CCDC57: variants seen among roughly 807,000 people sequenced by gnomAD.
CCDC57 encodes coiled-coil domain-containing protein 57.
In CCDC57, 118 loss-of-function variants were observed where a neutral mutation model predicts 118.9. The observed-to-expected ratio is 0.99, with a 90% CI of 0.86 to 1.16. CCDC57 has a LOEUF of 1.16. Ranked by LOEUF, CCDC57 falls within the 50% of genes most tolerant of loss-of-function variation. CCDC57 has a pLI of 0.00. For synonymous variants in CCDC57, 527 were observed against 532.9 expected (o/e 0.99, Z 0.15); for missense variants, 1,300 against 1,320.7 (o/e 0.98, Z 0.24).
exon 10 of CCDC57, chr17:82,179,049 C>T (rs988462608): frequency 1.2e-6 from 2 of 1,613,900 alleles, no homozygotes; most frequent in Non-Finnish European, 8.5e-7. Context: ...CATGCTCAGA[C>T]CCTGAATCAG....
At chr17:82,136,281 C>T (rs1443751056) in intron 16 of CCDC57, among the ~76,000 whole-genome samples, 2 of 152,218 alleles carry the variant, frequency 1.3e-5, no homozygotes, top group Non-Finnish European at 2.9e-5. Context: ...GCAGACGCCC[C>T]AGCACGAGGG....
chr17:82,101,552 G>A, exon 20 of CCDC57: 2 of 779,978 alleles, frequency 2.6e-6, no homozygotes, highest in South Asian at 3.9e-5. Flanking sequence ...GCATTTGGGA[G>A]CCTGCCCTGC....
intron 14 of CCDC57, among the ~76,000 whole-genome samples, chr17:82,159,467 C>T (rs1405832011): frequency 6.6e-6 from 1 of 152,118 alleles, no homozygotes; most frequent in South Asian, 2.1e-4. Context: ...ACTGCCTCGA[C>T]AGAAATGGAA....
intron 16 of CCDC57, among the ~76,000 whole-genome samples, chr17:82,141,437 A>T (rs1053984918): frequency 1.3e-5 from 2 of 152,136 alleles, no homozygotes; most frequent in East Asian, 3.8e-4. Flanking sequence ...CCACCTGCCT[A>T]GGCCTCCCAA....
chr17:82,196,229 G>A lies in CCDC57; in HGVS notation c.517-865C>T, dbSNP rs180690559. Among the ~76,000 whole-genome samples, 183 of 152,332 alleles carry A rather than the reference G, an allele frequency of 1.2e-3. 2 individuals carry two copies. The highest frequency in any genetic ancestry group is 4.0e-3 in the African/African-American group (168 of 41,578). On this transcript the variant is annotated intron_variant, in intron 4 of 19. Transcript: ENST00000665763. ...AACTCCTTCTTTGGAAGTGACTTTG[G>A]AGCCACTTGAGGAAGCCTCACTACT...
At chr17:82,112,899 C>T (rs2035385394) in intron 19 of CCDC57, 1 of 157,782 alleles carries the variant, frequency 6.3e-6, no homozygotes, top group Non-Finnish European at 1.4e-5. Context: ...ATACTTTGTC[C>T]AGTTTTCTAG....
chr17:82,163,292 G>T lies in CCDC57; in HGVS notation c.1948C>A (p.Gln650Lys), dbSNP rs755484780. ...AGTCCAGAGGATACTGGGCCAGCTT[G>T]GACAGATCCTCCTGCTTGACCAGCT... is the stretch of plus-strand genomic sequence containing the variant. The change falls in exon 14 of 20, where the codon CAA becomes AAA. Residue 650 changes from glutamine to lysine, a missense_variant. Transcript: ENST00000665763. 6 of 1,613,914 alleles carry T rather than the reference G, an allele frequency of 3.7e-6. No individual in the cohort carries two copies. Among genetic ancestry groups the T allele is most frequent in the Non-Finnish European group, 5.1e-6 (6 of 1,179,908 alleles).
At chr17:82,156,477 G>C (rs1235260409) in intron 15 of CCDC57, 1 of 152,212 alleles carries the variant, frequency 6.6e-6, no homozygotes, top group Non-Finnish European at 1.5e-5. Context: ...GGAGATGTGT[G>C]GGGGTACAGA....
chr17:82,172,570 C>T lies in CCDC57; in HGVS notation c.1729+68G>A, dbSNP rs538714476. On this transcript the variant is annotated intron_variant, in intron 12 of 19. Coordinates refer to ENST00000665763, the Ensembl canonical transcript of CCDC57. The surrounding 1 kb of genome is among the most constrained non-coding windows in gnomAD (Gnocchi z 5.2). ...CTTGAAGCCAGTCAAGACCCATGCTCCCGTCTGTCCTCCTCCCTCCCTCTC... is the reference window on the plus strand; with the variant it reads ...CTTGAAGCCAGTCAAGACCCATGCTTCCGTCTGTCCTCCTCCCTCCCTCTC... 26 of 1,352,160 alleles carry T rather than the reference C, an allele frequency of 1.9e-5. No homozygotes were observed. The East Asian group carries it at 6.0e-4, about 31-fold the overall frequency. 83.8% of individuals were successfully genotyped at this position (1,352,160 alleles called of 1,614,324 possible). A position where few individuals can be genotyped will look rare whatever the true frequency, so the allele number is the denominator to read the frequency against.
At chr17:82,180,472 A>G (rs2046065129) in intron 9 of CCDC57, among the ~76,000 whole-genome samples, 1 of 152,066 alleles carries the variant, frequency 6.6e-6, no homozygotes, top group Non-Finnish European at 1.5e-5. Context: ...TGTTTTGTTT[A>G]ATTATTTTTA....
intron 19 of CCDC57, among the ~76,000 whole-genome samples, chr17:82,102,740 CCGGGCACGGTGG>C (rs2034539005): frequency 6.6e-6 from 1 of 152,050 alleles, no homozygotes; most frequent in Non-Finnish European, 1.5e-5. Flanking sequence ...AAAAAATTAG[CCGGGCACGGTGG>C]CGGGCACCTG....
At chr17:82,177,948 C>T (rs1376208718) in intron 11 of CCDC57, among the ~76,000 whole-genome samples, 1 of 152,238 alleles carries the variant, frequency 6.6e-6, no homozygotes, top group African/African-American at 2.4e-5. Context: ...ACCCCGCTTC[C>T]CTCTGCCTGT....
intron 2 of CCDC57, among the ~76,000 whole-genome samples, chr17:82,202,729 G>A (rs1329942063): frequency 1.3e-5 from 2 of 152,094 alleles, no homozygotes; most frequent in African/African-American, 2.4e-5. Context: ...CAGCCTGGGC[G>A]ACACTAAGAC....
At chr17:82,174,894 G>A (rs955425712) in intron 11 of CCDC57, among the ~76,000 whole-genome samples, 1 of 152,178 alleles carries the variant, frequency 6.6e-6, no homozygotes, top group African/African-American at 2.4e-5. Flanking sequence ...CTTCCTCAGG[G>A]CCGAGAGAAT....
intron 11 of CCDC57, among the ~76,000 whole-genome samples, chr17:82,174,903 A>C (rs1395055014): frequency 2.6e-5 from 4 of 152,212 alleles, no homozygotes; most frequent in Admixed American, 1.3e-4. Context: ...GGCCGAGAGA[A>C]TTTTGAGCGT....
intron 3 of CCDC57, among the ~76,000 whole-genome samples, chr17:82,199,030 G>A (rs970399420): frequency 3.6e-5 from 5 of 139,048 alleles, no homozygotes; most frequent in Non-Finnish European, 6.2e-5. Context: ...AAAAAAGAAA[G>A]ATCTGAGCTT....
chr17:82,159,400 G>A (rs572113738), intron 14 of CCDC57, among the ~76,000 whole-genome samples: 1 of 152,210 alleles, frequency 6.6e-6, no homozygotes, highest in Non-Finnish European at 1.5e-5. Flanking sequence ...CCCCTTCACG[G>A]GCACATGGAT....
chr17:82,208,919 A>T (rs2049975217), intron 1 of CCDC57, among the ~76,000 whole-genome samples: 1 of 152,172 alleles, frequency 6.6e-6, no homozygotes, highest in Admixed American at 6.6e-5. Flanking sequence ...CCCAGGATGG[A>T]GTGCAGTGGC....
intron 16 of CCDC57, among the ~76,000 whole-genome samples, chr17:82,143,024 C>T (rs368617273): frequency 1.8e-3 from 277 of 152,076 alleles, no homozygotes; most frequent in African/African-American, 6.4e-3. Flanking sequence ...ACTAGCCGGG[C>T]GTGGTGGCAC....
Sources: allele counts gnomAD v4.1 joint callset (sites outside exome capture counted in the v4.1 genomes callset), GRCh38; gene constraint gnomAD v4.1.1; non-coding constraint Gnocchi (gnomAD v3.1); transcripts MANE v1.5; gene names NCBI Gene and HGNC (gene_info 2026-07-23, HGNC 2026-07-21).